Variants in CTNNA2 observed in about 807,000 individuals in gnomAD.
The protein encoded by CTNNA2 is catenin alpha-2.
CTNNA2 carries 42 observed loss-of-function variants against 101.0 expected under a neutral mutation model. The ratio of observed to expected loss-of-function variants is 0.42; its 90% CI spans 0.32 to 0.54. The LOEUF (loss-of-function observed/expected upper bound fraction) is 0.54. Among genes scored for constraint, CTNNA2 ranks in the 20% least tolerant of loss-of-function variants. The pLI is 0.14. For synonymous variants in CTNNA2, 450 were observed against 456.4 expected, an observed-to-expected ratio of 0.99 and a Z score of 0.18; for missense variants, 871 against 1,223.1, an observed-to-expected ratio of 0.71 and a Z score of 4.29.
intron 8 of CTNNA2, among the ~76,000 whole-genome samples, chr2:80,401,069 C>T (rs563260361): frequency 6.6e-6 from 1 of 152,330 alleles, no homozygotes; most frequent in East Asian, 1.9e-4. Flanking sequence ...TATCCAATTC[C>T]TGTAAACAGG....
chr2:80,594,883 T>A (rs1395517563), intron 15 of CTNNA2, among the ~76,000 whole-genome samples: 1 of 152,060 alleles, frequency 6.6e-6, no homozygotes, highest in Non-Finnish European at 1.5e-5. Context: ...TCTATGTCTG[T>A]CTGTATGCCA....
rs950273528 is a variant in CTNNA2 at position 80,305,389 on chromosome 2, A to T, written c.1057-87822A>T. The T allele has an allele frequency of 1.1e-5, 11 of 984,230 alleles. No individual in the cohort carries two copies. The South Asian group carries it at 4.2e-4, about 38-fold the overall frequency. The allele number at this position is 984,230 out of a possible 1,614,324, so 61.0% of individuals were successfully genotyped here. A position where few individuals can be genotyped will look rare whatever the true frequency, so the allele number is the denominator to read the frequency against. On this transcript the variant is annotated intron_variant, in intron 7 of 18. Transcript: ENST00000402739. ...GGGCTTCATCAGGCTCCACAGATACATATGGGGTACAGAGTGGATTAAAGA... is the reference window on the plus strand; with the variant it reads ...GGGCTTCATCAGGCTCCACAGATACTTATGGGGTACAGAGTGGATTAAAGA...
chr2:80,606,561 T>G (rs1395276907), intron 16 of CTNNA2, among the ~76,000 whole-genome samples: 1 of 152,038 alleles, frequency 6.6e-6, no homozygotes, highest in Non-Finnish European at 1.5e-5. Flanking sequence ...CTTGCAATTT[T>G]TGATAAAGAA....
Position 80,016,884 on chromosome 2 carries a change from A to G in CTNNA2, c.1056+107087A>G, listed in dbSNP as rs1694187603. 2.0e-5 allele frequency among the ~76,000 whole-genome samples: 3 copies of G among 152,304 alleles called. No homozygotes were observed. The South Asian group carries it at 6.2e-4, about 32-fold the overall frequency. On this transcript the variant is annotated intron_variant, in intron 7 of 18. Coordinates refer to ENST00000402739, the MANE Select transcript of CTNNA2 (RefSeq NM_001282597.3). Reference sequence around the variant, plus strand: ...TTCAACATTACCTTAAAAATGATTTACACAGAACAATTTAGGAGCCTTTCT... The same window carrying G: ...TTCAACATTACCTTAAAAATGATTTGCACAGAACAATTTAGGAGCCTTTCT...
At chr2:80,263,433 C>T (rs1216264640) in intron 7 of CTNNA2, among the ~76,000 whole-genome samples, 2 of 152,148 alleles carry the variant, frequency 1.3e-5, no homozygotes, top group African/African-American at 2.4e-5. Context: ...CTCCTGGGTT[C>T]AAGTAATTCT....
At chr2:80,081,385 C>T (rs1699133897) in intron 7 of CTNNA2, among the ~76,000 whole-genome samples, 1 of 151,796 alleles carries the variant, frequency 6.6e-6, no homozygotes, top group Non-Finnish European at 1.5e-5. Context: ...CATGGGGGGG[C>T]TGTTTTCGTT....
At chr2:79,972,280 G>C (rs1319267054) in intron 7 of CTNNA2, among the ~76,000 whole-genome samples, 1 of 152,080 alleles carries the variant, frequency 6.6e-6, no homozygotes, top group African/African-American at 2.4e-5. Context: ...TAGAGAAGAA[G>C]ATACAGCTTC....
chr2:80,244,260 A>G (rs746671951), intron 7 of CTNNA2, among the ~76,000 whole-genome samples: 1 of 152,250 alleles, frequency 6.6e-6, no homozygotes, highest in Non-Finnish European at 1.5e-5. Context: ...TACAGAATCC[A>G]GTACATGTTA....
chr2:79,463,876 C>T (rs1415938628), intron 4 of CTNNA2, among the ~76,000 whole-genome samples: 3 of 152,058 alleles, frequency 2.0e-5, no homozygotes, highest in African/African-American at 7.3e-5. Flanking sequence ...CAAATAACTT[C>T]ACTATAGAAT....
chr2:79,579,003 G>C (rs1675974335), intron 1 of CTNNA2, among the ~76,000 whole-genome samples: 1 of 151,772 alleles, frequency 6.6e-6, no homozygotes, highest in African/African-American at 2.4e-5. Flanking sequence ...AATAACTTAG[G>C]TTGTTCATCC....
At chr2:79,663,701 C>G (rs753800073) in intron 2 of CTNNA2, among the ~76,000 whole-genome samples, 1 of 152,118 alleles carries the variant, frequency 6.6e-6, no homozygotes, top group African/African-American at 2.4e-5. Flanking sequence ...TTTCAGAACA[C>G]TTGTTACTAT....
intron 17 of CTNNA2, among the ~76,000 whole-genome samples, chr2:80,610,116 A>G (rs563208448): frequency 2.6e-5 from 4 of 151,870 alleles, no homozygotes; most frequent in Middle Eastern, 3.4e-3. Flanking sequence ...AGGCAAATGC[A>G]TTATAAATAT....
chr2:80,506,874 A>C (rs1265399050), intron 9 of CTNNA2, among the ~76,000 whole-genome samples: 1 of 152,082 alleles, frequency 6.6e-6, no homozygotes, highest in Non-Finnish European at 1.5e-5. Context: ...CCCCAGTGTG[A>C]CTCTTTAAGA....
chr2:79,486,504 T>C (rs1042235063), intron 4 of CTNNA2, among the ~76,000 whole-genome samples: 1 of 152,194 alleles, frequency 6.6e-6, no homozygotes, highest in Admixed American at 6.6e-5. Context: ...TTCCAAGTCT[T>C]TACTATTGTG....
chr2:79,529,783 T>C (rs1273629233), intron 1 of CTNNA2, among the ~76,000 whole-genome samples: 2 of 151,974 alleles, frequency 1.3e-5, no homozygotes, highest in African/African-American at 4.8e-5. Flanking sequence ...AGAGAGGCAG[T>C]TGTAAGATCA....
intron 2 of CTNNA2, among the ~76,000 whole-genome samples, chr2:79,242,969 A>ATATATATATATATATATATATATAT (rs1674646204): frequency 7.9e-6 from 1 of 127,332 alleles, no homozygotes; most frequent in Non-Finnish European, 1.6e-5. Flanking sequence ...CCTGTCTCGA[A>ATATATATATATATATATATATATAT]ATATATATAT....
At chr2:79,298,002 A>G (rs1442235521) in intron 2 of CTNNA2, among the ~76,000 whole-genome samples, 2 of 152,314 alleles carry the variant, frequency 1.3e-5, no homozygotes, top group Non-Finnish European at 2.9e-5. Context: ...AGGCATCATT[A>G]TTTCTAAACC....
At chr2:80,561,410 A>G (rs1457339386) in intron 12 of CTNNA2, among the ~76,000 whole-genome samples, 1 of 152,182 alleles carries the variant, frequency 6.6e-6, no homozygotes, top group African/African-American at 2.4e-5. Context: ...GAAATCTGAT[A>G]AGTTTTTGAA....
At chr2:79,528,516 A>C (rs1465910631) in intron 1 of CTNNA2, among the ~76,000 whole-genome samples, 1 of 152,158 alleles carries the variant, frequency 6.6e-6, no homozygotes, top group African/African-American at 2.4e-5. Flanking sequence ...TATACTATAA[A>C]ACATCCACTG....
Sources: allele counts gnomAD v4.1 joint callset (sites outside exome capture counted in the v4.1 genomes callset), GRCh38; gene constraint gnomAD v4.1.1; transcripts MANE v1.5; gene names NCBI Gene and HGNC (gene_info 2026-07-23, HGNC 2026-07-21).